The following SSBP2 variants were observed in gnomAD, a reference collection of about 807,000 sequenced individuals.
The protein encoded by SSBP2 is single stranded DNA binding protein 2.
In SSBP2, 17 loss-of-function variants were observed where a neutral mutation model predicts 61.8. The observed-to-expected ratio is 0.28, with a 90% CI of 0.19 to 0.41. The LOEUF (loss-of-function observed/expected upper bound fraction) is 0.41. Among genes scored for constraint, SSBP2 ranks in the 10% least tolerant of loss-of-function variants. The pLI is 1.00. For synonymous variants in SSBP2, 139 were observed against 141.3 expected (o/e 0.98, Z 0.12); for missense variants, 310 against 458.7 (o/e 0.68, Z 2.96).
At chr5:81,670,109 C>T (rs1370761748) in intron 1 of SSBP2, among the ~76,000 whole-genome samples, 1 of 152,008 alleles carries the variant, frequency 6.6e-6, no homozygotes, top group Non-Finnish European at 1.5e-5. Context: ...ATGTGTTTGC[C>T]AAAACTCATA....
At chr5:81,459,774 T>C (rs1764413569) in intron 10 of SSBP2, among the ~76,000 whole-genome samples, 1 of 152,212 alleles carries the variant, frequency 6.6e-6, no homozygotes, top group Non-Finnish European at 1.5e-5. Flanking sequence ...GGTCAAATAG[T>C]AAGAAGCTAA....
At chr5:81,428,312 T>C (rs1422667549) in intron 16 of SSBP2, among the ~76,000 whole-genome samples, 2 of 152,200 alleles carry the variant, frequency 1.3e-5, no homozygotes, top group African/African-American at 4.8e-5. Context: ...AAGTATCAAA[T>C]AGGCAACCTG....
chr5:81,488,060 A>ATATTATATATATACATTATATAT (rs1561459590), intron 6 of SSBP2, among the ~76,000 whole-genome samples: 1 of 56,820 alleles, frequency 1.8e-5, no homozygotes. Flanking sequence ...TATATATATA[A>ATATTATATATATACATTATATAT]ATAAAATATC....
intron 1 of SSBP2, among the ~76,000 whole-genome samples, chr5:81,729,175 T>C (rs1309300894): frequency 6.6e-6 from 1 of 152,164 alleles, no homozygotes; most frequent in Non-Finnish European, 1.5e-5. Context: ...AAAATAAATA[T>C]GCTGTCCTCA....
chr5:81,441,328 G>A (rs1390206108), intron 13 of SSBP2, among the ~76,000 whole-genome samples: 2 of 152,138 alleles, frequency 1.3e-5, no homozygotes, highest in Non-Finnish European at 1.5e-5. Flanking sequence ...CTATGATGGG[G>A]TTGGTGATAG....
At chr5:81,679,923 A>G (rs947673466) in intron 1 of SSBP2, among the ~76,000 whole-genome samples, 4 of 151,798 alleles carry the variant, frequency 2.6e-5, no homozygotes, top group African/African-American at 7.3e-5. Flanking sequence ...GCATCATCCA[A>G]TCTGGTGAAG....
intron 4 of SSBP2, among the ~76,000 whole-genome samples, chr5:81,582,390 A>G (rs1446259811): frequency 6.6e-6 from 1 of 152,206 alleles, no homozygotes; most frequent in Admixed American, 6.5e-5. Context: ...AAAAGAAAGC[A>G]TTCATTCTCC....
At chr5:81,735,747 T>C (rs1434977927) in intron 1 of SSBP2, among the ~76,000 whole-genome samples, 2 of 152,150 alleles carry the variant, frequency 1.3e-5, no homozygotes, top group South Asian at 2.1e-4. Context: ...AAATGATAAC[T>C]CACAACATTT....
At chr5:81,642,909 T>C (rs1220544521) in intron 2 of SSBP2, among the ~76,000 whole-genome samples, 4 of 152,168 alleles carry the variant, frequency 2.6e-5, no homozygotes, top group African/African-American at 4.8e-5. Flanking sequence ...TATACAGGTA[T>C]ACACACACAC....
rs1172477438 is a variant in SSBP2, at chr5:81,668,471, T to TA, written c.63-18133dup. ...ATCTCAATCCAAAGTAAATTTTCGT[T>TA]AAAAAAAGAAACTAAACATAATTAT... On this transcript the variant is annotated intron_variant, in intron 1 of 16. Coordinates refer to ENST00000320672, the MANE Select transcript of SSBP2 (RefSeq NM_012446.5). Among the ~76,000 whole-genome samples, 6 of 152,066 alleles carry TA rather than the reference T, an allele frequency of 3.9e-5. No individual in the cohort carries two copies. The South Asian group carries it at 8.3e-4, about 21-fold the overall frequency.
At chr5:81,608,346 G>A (rs576269344) in intron 4 of SSBP2, among the ~76,000 whole-genome samples, 11 of 152,050 alleles carry the variant, frequency 7.2e-5, no homozygotes, top group East Asian at 3.9e-4. Flanking sequence ...AATTTTCAGC[G>A]TATATCAACA....
intron 10 of SSBP2, among the ~76,000 whole-genome samples, chr5:81,451,145 C>T (rs1763740369): frequency 6.6e-6 from 1 of 152,188 alleles, no homozygotes; most frequent in Non-Finnish European, 1.5e-5. Flanking sequence ...TAACAAACAG[C>T]TCATGAAATT....
At chr5:81,567,739 G>T (rs745872374) in intron 4 of SSBP2, among the ~76,000 whole-genome samples, 1 of 152,202 alleles carries the variant, frequency 6.6e-6, no homozygotes, top group Non-Finnish European at 1.5e-5. Context: ...GGGCAGAGCT[G>T]CCCAAGATCA....
intron 6 of SSBP2, among the ~76,000 whole-genome samples, chr5:81,479,822 T>G (rs2154030063): frequency 6.6e-6 from 1 of 152,336 alleles, no homozygotes; most frequent in African/African-American, 2.4e-5. Flanking sequence ...AATATGTAAC[T>G]AATTTGTTAA....
intron 1 of SSBP2, among the ~76,000 whole-genome samples, chr5:81,686,989 C>G (rs762370264): frequency 6.6e-6 from 1 of 151,860 alleles, no homozygotes; most frequent in Admixed American, 6.6e-5. Context: ...AGCAAGAACA[C>G]CGAAGTGAAT....
Position 81,640,055 on chromosome 5 carries a change from A to T in SSBP2, c.136-3437T>A, listed in dbSNP as rs557923572. The stretch of plus-strand genomic sequence containing the variant: ...TCAAAAAATAAGAGAAATTTTTTGA[A>T]GATTAGAAATGGGGCCAGGCGCAGT... On this transcript the variant is annotated intron_variant, in intron 2 of 16. Transcript: ENST00000320672. Among the ~76,000 whole-genome samples the T allele has an allele frequency of 4.4e-4, 67 of 152,346 alleles. 2 individuals are homozygous for T. Among genetic ancestry groups the T allele is most frequent in the Admixed American group, 4.3e-3 (66 of 15,310 alleles).
At chr5:81,643,099 G>A (rs904525439) in intron 2 of SSBP2, among the ~76,000 whole-genome samples, 1 of 152,156 alleles carries the variant, frequency 6.6e-6, no homozygotes, top group African/African-American at 2.4e-5. Context: ...GCCATCAGGA[G>A]ACACTAGCAG....
Position 81,533,774 on chromosome 5 carries a change from C to T in SSBP2, c.283-20057G>A, listed in dbSNP as rs537618016. ...TGGAACCAGTGCTAGGTTAGGAAAA[C>T]CTAAACTGTAACTGATTAACTGCTG... On this transcript the variant is annotated intron_variant, in intron 4 of 16. Coordinates refer to ENST00000320672, the MANE Select transcript of SSBP2 (RefSeq NM_012446.5). 2.4e-4 allele frequency among the ~76,000 whole-genome samples: 36 copies of T among 152,060 alleles called. 1 individual carries two copies. The South Asian group carries it at 7.5e-3, about 32-fold the overall frequency.
chr5:81,522,746 C>A (rs1392008266), intron 4 of SSBP2, among the ~76,000 whole-genome samples: 1 of 152,046 alleles, frequency 6.6e-6, no homozygotes, highest in Non-Finnish European at 1.5e-5. Flanking sequence ...ATTTTTAGCA[C>A]CACGTACTCT....
Sources: gnomAD v4.1 joint callset for allele counts (sites outside exome capture counted in the v4.1 genomes callset) on GRCh38, gnomAD v4.1.1 for gene constraint, MANE v1.5 for transcripts, NCBI Gene and HGNC (gene_info 2026-07-23, HGNC 2026-07-21) for gene names.